The following EPC1 variants were observed in gnomAD, a reference collection of about 807,000 sequenced individuals.
EPC1 encodes the protein enhancer of polycomb homolog 1.
Under a neutral mutation model 98.4 loss-of-function variants are expected in EPC1, and 12 were observed. The observed-to-expected ratio is 0.12, with a 90% CI of 0.08 to 0.20. EPC1 has a LOEUF of 0.20. EPC1 is among the 10% of genes least tolerant of loss of function. The pLI, the probability that EPC1 is intolerant of heterozygous loss-of-function variation, is 1.00. For missense variants in EPC1, 729 were observed against 990.5 expected, an observed-to-expected ratio of 0.74 and a Z score of 3.54; for synonymous variants, 357 against 363.9, an observed-to-expected ratio of 0.98 and a Z score of 0.21.
intron 5 of EPC1, 45 bp from the exon 6 acceptor site, chr10:32,291,367 A>G: frequency 2.1e-6 from 3 of 1,433,532 alleles, no homozygotes; most frequent in Non-Finnish European, 2.9e-6. Flanking sequence ...ATATTTAAGG[A>G]ATACAATGTG....
chr10:32,362,555 G>A (rs1427804727), intron 1 of EPC1, among the ~76,000 whole-genome samples: 1 of 152,192 alleles, frequency 6.6e-6, no homozygotes, highest in Non-Finnish European at 1.5e-5. Flanking sequence ...CTCCCCGGAA[G>A]CCGAGCAGAT....
intron 1 of EPC1, among the ~76,000 whole-genome samples, chr10:32,336,791 C>A (rs560039289): frequency 3.3e-5 from 5 of 152,122 alleles, no homozygotes; most frequent in Admixed American, 6.5e-5. Context: ...ACCAATATCT[C>A]CATTAAATGG....
intron 1 of EPC1, among the ~76,000 whole-genome samples, chr10:32,375,732 A>C (rs1839857229): frequency 6.6e-6 from 1 of 152,078 alleles, no homozygotes; most frequent in Non-Finnish European, 1.5e-5. Flanking sequence ...TTATCTGATA[A>C]AATGGTGTTC....
chr10:32,345,241 AAGTC>A lies in EPC1; in HGVS notation c.153+1518_153+1521del, dbSNP rs1838685386. 4 of 985,470 alleles carry A rather than the reference AAGTC, an allele frequency of 4.1e-6. No individual in the cohort carries two copies. In the East Asian group the frequency reaches 3.4e-4, roughly 84 times the overall value. The allele number at this position is 985,470 out of a possible 1,614,324, so 61.0% of individuals were successfully genotyped here. A position where few individuals can be genotyped will look rare whatever the true frequency, so the allele number is the denominator to read the frequency against. On this transcript the variant is annotated intron_variant, in intron 1 of 13. Coordinates refer to ENST00000319778, the MANE Select transcript of EPC1 (RefSeq NM_001272004.3). ...AGTGTCTCATGAGACAATGTGCTGAAAGTCAGTGCCCAACTAGACAATCTGAGCT... is the reference window on the plus strand; with the variant it reads ...AGTGTCTCATGAGACAATGTGCTGAAAGTGCCCAACTAGACAATCTGAGCT...
chr10:32,318,222 A>AT (rs936543222), intron 1 of EPC1, among the ~76,000 whole-genome samples: 24 of 152,146 alleles, frequency 1.6e-4, no homozygotes, highest in Non-Finnish European at 2.5e-4. Flanking sequence ...CCAAACTGTT[A>AT]TTTTTTGTTG....
chr10:32,356,980 CA>C (rs1839299318), intron 1 of EPC1, among the ~76,000 whole-genome samples: 1 of 151,780 alleles, frequency 6.6e-6, no homozygotes. Context: ...GACTCCGCAT[CA>C]AAAAAATAAA....
chr10:32,272,267 A>C (rs999457697), intron 11 of EPC1, 100 bp from the exon 12 acceptor site: 21 of 994,864 alleles, frequency 2.1e-5, no homozygotes, highest in Non-Finnish European at 2.9e-5. Flanking sequence ...ATATAAGTAA[A>C]AATGGCAAAC....
chr10:32,291,823 T>C (rs1416579234), intron 5 of EPC1: 2 of 152,232 alleles, frequency 1.3e-5, no homozygotes, highest in Non-Finnish European at 2.9e-5. Context: ...GTTTCTTCCT[T>C]TTACTTTTTT....
intron 1 of EPC1, among the ~76,000 whole-genome samples, chr10:32,353,016 G>T (rs1013450393): frequency 1.1e-4 from 16 of 152,088 alleles, no homozygotes; most frequent in African/African-American, 3.6e-4. Context: ...TTAGCTGGGC[G>T]TGGTGGCACA....
chr10:32,346,928 A>T lies in EPC1; in HGVS notation c.-13T>A. The T allele has an allele frequency of 6.2e-7, 1 of 1,612,552 alleles. No homozygotes were observed. Among genetic ancestry groups the T allele is most frequent in the Non-Finnish European group, 8.5e-7 (1 of 1,179,944 alleles). On this transcript the variant is annotated 5_prime_UTR_variant, in exon 1 of 14. Transcript: ENST00000319778. ...ACAGTTTACTCATCTCAGGCGCAGCAGATACCTCTCCGCTCTGGGGAAACG... is the reference window on the plus strand; with the variant it reads ...ACAGTTTACTCATCTCAGGCGCAGCTGATACCTCTCCGCTCTGGGGAAACG...
At chr10:32,338,540 G>A (rs74128074) in intron 1 of EPC1, among the ~76,000 whole-genome samples, 3,042 of 152,158 alleles carry the variant, frequency 0.02, 108 homozygotes, top group African/African-American at 0.07. Context: ...GATCTGGATC[G>A]TGAGTACGTA....
intron 1 of EPC1, among the ~76,000 whole-genome samples, chr10:32,371,068 T>C (rs558868765): frequency 9.9e-5 from 15 of 152,214 alleles, no homozygotes; most frequent in Admixed American, 1.3e-4. Context: ...TGCTGGTTTT[T>C]TCCTCCCTCA....
rs764690353 is a variant in EPC1, at chr10:32,305,942, G to A, written c.154-11C>T. 13 of 1,585,732 alleles carry A rather than the reference G, an allele frequency of 8.2e-6. No individual in the cohort carries two copies. The highest frequency in any genetic ancestry group is 7.6e-5 in the Admixed American group (4 of 52,526). On this transcript the variant is annotated splice_polypyrimidine_tract_variant and intron_variant, in intron 1 of 13. Transcript: ENST00000319778. ...CTGAAGATGATGTTCCTAAAAAGAA[G>A]AAAAAACAGGTAAGTTCATGTATTT...
intron 1 of EPC1, among the ~76,000 whole-genome samples, chr10:32,337,772 C>A (rs1838064980): frequency 6.6e-6 from 1 of 152,106 alleles, no homozygotes; most frequent in Non-Finnish European, 1.5e-5. Flanking sequence ...ACTATACTTG[C>A]TATGTCCCCT....
At chr10:32,322,323 A>C (rs1362658245) in intron 1 of EPC1, among the ~76,000 whole-genome samples, 2 of 152,136 alleles carry the variant, frequency 1.3e-5, no homozygotes, top group African/African-American at 4.8e-5. Context: ...ATATGGAAAC[A>C]AAATAATATA....
chr10:32,300,890 T>C (rs915247542), intron 2 of EPC1, among the ~76,000 whole-genome samples: 23 of 152,112 alleles, frequency 1.5e-4, no homozygotes, highest in Admixed American at 6.6e-5. Flanking sequence ...TACAGGGCCA[T>C]CTTGTACCTA....
chr10:32,345,457 G>A, intron 1 of EPC1: 1 of 985,280 alleles, frequency 1.0e-6, no homozygotes, highest in African/African-American at 1.7e-5. Context: ...ACCAAGAGAA[G>A]TATTACAGTA....
intron 10 of EPC1, among the ~76,000 whole-genome samples, chr10:32,278,360 GGTTTTTTTTTGTTTTTTTTTTTTT>G (rs1836208785): frequency 1.4e-5 from 2 of 143,342 alleles, no homozygotes; most frequent in African/African-American, 5.2e-5. Flanking sequence ...TGTATACTTT[GGTTTTTTTTTGTTTTTTTTTTTTT>G]GTTTTTTTTT....
chr10:32,349,975 G>A (rs1317268992), upstream of EPC1, among the ~76,000 whole-genome samples: 1 of 152,160 alleles, frequency 6.6e-6, no homozygotes, highest in Admixed American at 6.5e-5. Context: ...TTCAGGTTTA[G>A]TTTTCCCTAG....
Sources: allele counts gnomAD v4.1 joint callset (sites outside exome capture counted in the v4.1 genomes callset), GRCh38; gene constraint gnomAD v4.1.1; transcripts MANE v1.5; gene names NCBI Gene and HGNC (gene_info 2026-07-23, HGNC 2026-07-21).